INVS: variants seen among roughly 807,000 people sequenced by gnomAD.
INVS encodes the protein inversion of embryo turning homolog.
A neutral mutation model predicts 108.8 loss-of-function variants in INVS; 86 were observed. The ratio of observed to expected loss-of-function variants is 0.79; its 90% CI spans 0.66 to 0.95. The LOEUF (loss-of-function observed/expected upper bound fraction) is 0.95, where lower values mean the gene tolerates loss of function less well. Ranked by LOEUF, INVS falls within the 40% of genes least tolerant of loss-of-function variation. The pLI is 0.00. For synonymous variants in INVS, 455 were observed against 473.5 expected (o/e 0.96, Z 0.51); for missense variants, 1,169 against 1,297.4 (o/e 0.90, Z 1.52).
chr9:100,171,881 T>C (rs1294181185), intron 3 of INVS, among the ~76,000 whole-genome samples: 8 of 152,186 alleles, frequency 5.3e-5, no homozygotes, highest in Non-Finnish European at 1.2e-4. Context: ...GATTCATGAC[T>C]TAGGCTCTGC....
chr9:100,172,588 C>A (rs979353595), intron 3 of INVS, among the ~76,000 whole-genome samples: 8 of 152,136 alleles, frequency 5.3e-5, no homozygotes, highest in African/African-American at 1.9e-4. Context: ...TCTACTTGGA[C>A]AAGGAAAGCT....
chr9:100,248,638 G>T (rs1358484059), intron 8 of INVS, among the ~76,000 whole-genome samples: 1 of 152,108 alleles, frequency 6.6e-6, no homozygotes, highest in Non-Finnish European at 1.5e-5. Flanking sequence ...TTTTAGGCGT[G>T]ATAACAGCAT....
rs945393517 is a variant in INVS at position 100,117,558 on chromosome 9, G to A, written c.107-8825G>A. 1.0e-5 allele frequency: 11 copies of A among 1,086,744 alleles called. No individual in the cohort carries two copies. In the African/African-American group the frequency reaches 1.4e-4, roughly 14 times the overall value. 67.3% of individuals were successfully genotyped at this position (1,086,744 alleles called of 1,614,324 possible). A position where few individuals can be genotyped will look rare whatever the true frequency, so the allele number is the denominator to read the frequency against. On this transcript the variant is annotated intron_variant, in intron 2 of 16. Coordinates refer to ENST00000262457, the MANE Select transcript of INVS (RefSeq NM_014425.5). ...CGGATGCCACTGCGGAAACCTCCGC[G>A]GAAGCCACCGCGGTTCCCCATCCCA...
At chr9:100,103,440 A>C (rs1170324289) in intron 1 of INVS, among the ~76,000 whole-genome samples, 4 of 152,090 alleles carry the variant, frequency 2.6e-5, no homozygotes, top group African/African-American at 9.6e-5. Context: ...CAGCCTGGCC[A>C]ACATGGTGAA....
At chr9:100,181,550 A>C (rs967541821) in intron 3 of INVS, among the ~76,000 whole-genome samples, 8 of 152,160 alleles carry the variant, frequency 5.3e-5, no homozygotes, top group African/African-American at 1.9e-4. Flanking sequence ...TAGGAATACA[A>C]CTATCAAGTG....
At chr9:100,236,070 T>TC (rs1197217864) in intron 5 of INVS, among the ~76,000 whole-genome samples, 1 of 152,192 alleles carries the variant, frequency 6.6e-6, no homozygotes, top group African/African-American at 2.4e-5. Flanking sequence ...CATTATTTTT[T>TC]CTCTAACCTT....
At chr9:100,200,440 GT>G (rs1044816939) in intron 3 of INVS, among the ~76,000 whole-genome samples, 2 of 152,016 alleles carry the variant, frequency 1.3e-5, no homozygotes, top group Non-Finnish European at 2.9e-5. Flanking sequence ...TTGACTTTTT[GT>G]TTTGTAAAAG....
Position 100,224,355 on chromosome 9 carries a change from G to A in INVS, c.274-1707G>A, listed in dbSNP as rs1357317061. On this transcript the variant is annotated intron_variant, in intron 3 of 16. Transcript: ENST00000262457. ...TGCCTGCCATTATCCTCTGAATAGG[G>A]AGAGATAAATAGGCACGAAGTAGGC... 2.0e-5 allele frequency among the ~76,000 whole-genome samples: 3 copies of A among 152,196 alleles called. No individual in the cohort carries two copies. In the South Asian group the frequency reaches 6.2e-4, roughly 31 times the overall value.
intron 3 of INVS, among the ~76,000 whole-genome samples, chr9:100,184,756 T>C (rs1040498736): frequency 1.3e-5 from 2 of 152,070 alleles, no homozygotes; most frequent in Admixed American, 6.6e-5. Flanking sequence ...AAAGAGATCT[T>C]TCAGAGCATC....
Position 100,300,659 on chromosome 9 carries a change from CA to C in INVS, c.3187del (p.Thr1063GlnfsTer43), listed in dbSNP as rs780904917. On this transcript the variant is annotated frameshift_variant, in exon 17 of 17. Coordinates refer to ENST00000262457, the MANE Select transcript of INVS (RefSeq NM_014425.5). LOFTEE classifies it high-confidence loss of function. Reference protein sequence around the residue: ...NLQSATQPKNKTKP With the variant: ...NLQSATQPKNXTKP ...TGCAATCAGCTACTCAGCCAAAAAA[CA>C]AAACAAAACCTTGACTGCCTATGGA... is the stretch of plus-strand genomic sequence containing the variant. The C allele has an allele frequency of 6.2e-7, 1 of 1,611,882 alleles. No homozygotes were observed. The highest frequency in any genetic ancestry group is 8.5e-7 in the Non-Finnish European group (1 of 1,178,182).
chr9:100,206,736 TA>T (rs879603977), intron 3 of INVS, among the ~76,000 whole-genome samples: 184 of 145,154 alleles, frequency 1.3e-3, no homozygotes, highest in East Asian at 4.2e-3. Flanking sequence ...GTCATCTATT[TA>T]AAAAAAAAAA....
chr9:100,229,781 C>G lies in INVS; in HGVS notation c.569C>G (p.Ala190Gly), dbSNP rs2118428905. The G allele has an allele frequency of 6.2e-7, 1 of 1,614,064 alleles. No homozygotes were observed. Reference sequence around the variant, plus strand: ...GGCAAGATCCCACTTCACTGGGCAGCCAACCATAAAGATCCAAGTGCTGTT... The same window carrying G: ...GGCAAGATCCCACTTCACTGGGCAGGCAACCATAAAGATCCAAGTGCTGTT... The part of the protein sequence containing the change: ...VEGKIPLHWA[A>G]NHKDPSAVHT... The change falls in exon 5 of 17, where the codon GCC becomes GGC. Residue 190 changes from alanine (A) to glycine (G), a missense_variant. By Grantham distance (60) the Ala-to-Gly change is moderately conservative. Transcript: ENST00000262457.
At chr9:100,202,365 AT>A (rs1339297684) in intron 3 of INVS, among the ~76,000 whole-genome samples, 1 of 152,236 alleles carries the variant, frequency 6.6e-6, no homozygotes, top group South Asian at 2.1e-4. Flanking sequence ...AACTTTTGAC[AT>A]AGAATGAGAA....
chr9:100,106,520 C>G (rs1827187856), intron 2 of INVS, among the ~76,000 whole-genome samples: 1 of 152,204 alleles, frequency 6.6e-6, no homozygotes, highest in Admixed American at 6.5e-5. Flanking sequence ...ACAACCATGA[C>G]TTGAATAAGA....
chr9:100,164,642 G>A (rs1283470223), intron 3 of INVS, among the ~76,000 whole-genome samples: 1 of 152,032 alleles, frequency 6.6e-6, no homozygotes, highest in East Asian at 1.9e-4. Context: ...AAGAGGAAAT[G>A]ACCTTTTAAA....
chr9:100,187,525 C>CTTTT (rs34728274), intron 3 of INVS, among the ~76,000 whole-genome samples: 20 of 105,528 alleles, frequency 1.9e-4, no homozygotes, highest in Admixed American at 4.9e-4. Context: ...TCTATGATTT[C>CTTTT]TTTTTTTTTT....
At chr9:100,267,337 A>T (rs1325159889) in intron 11 of INVS, among the ~76,000 whole-genome samples, 2 of 152,122 alleles carry the variant, frequency 1.3e-5, no homozygotes, top group African/African-American at 4.8e-5. Context: ...AGTGGCAATA[A>T]CTCAGTCTTT....
intron 3 of INVS, among the ~76,000 whole-genome samples, chr9:100,189,890 A>C (rs1830171136): frequency 6.6e-6 from 1 of 151,902 alleles, no homozygotes. Context: ...GTGCCCAGCA[A>C]AGTATGGGGT....
chr9:100,121,557 G>A (rs532981609), intron 2 of INVS, among the ~76,000 whole-genome samples: 43 of 152,310 alleles, frequency 2.8e-4, no homozygotes, highest in Non-Finnish European at 2.4e-4. Flanking sequence ...AGGCTTTGTA[G>A]TGATGTCATT....
Sources: allele counts gnomAD v4.1 joint callset (sites outside exome capture counted in the v4.1 genomes callset), GRCh38; gene constraint gnomAD v4.1.1; transcripts MANE v1.5; gene names NCBI Gene and HGNC (gene_info 2026-07-23, HGNC 2026-07-21).